PRPSAP1: variants seen among roughly 807,000 people sequenced by gnomAD.
PRPSAP1 encodes phosphoribosyl pyrophosphate synthase-associated protein 1.
A neutral mutation model predicts 39.4 loss-of-function variants in PRPSAP1; 31 were observed. The ratio of observed to expected loss-of-function variants is 0.79; its 90% CI spans 0.59 to 1.06. The LOEUF is 1.06. Among genes scored for constraint, PRPSAP1 ranks in the 50% least tolerant of loss-of-function variants. The probability of loss-of-function intolerance (pLI) is 0.00; values close to 1 mark genes in which losing one functional copy is unlikely to be tolerated. For synonymous variants in PRPSAP1, 212 were observed against 192.6 expected (o/e 1.10, Z -0.83); for missense variants, 430 against 511.6 (o/e 0.84, Z 1.54).
chr17:76,340,770 G>A (rs762507808), intron 3 of PRPSAP1, among the ~76,000 whole-genome samples: 16 of 152,006 alleles, frequency 1.1e-4, no homozygotes, highest in Middle Eastern at 3.4e-3. Context: ...CATGCCTGTA[G>A]TCCCAGCTAC....
chr17:76,325,797 G>A (rs1326939363), intron 7 of PRPSAP1, among the ~76,000 whole-genome samples: 4 of 151,700 alleles, frequency 2.6e-5, no homozygotes, highest in Admixed American at 1.3e-4. Context: ...TAGTAGAGAC[G>A]CGATTTCACA....
At chr17:76,346,278 G>A (rs1289307046) in intron 2 of PRPSAP1, among the ~76,000 whole-genome samples, 2 of 152,140 alleles carry the variant, frequency 1.3e-5, no homozygotes, top group African/African-American at 4.8e-5. Context: ...GAATGTCTCC[G>A]AAGCTGGATT....
chr17:76,312,745 C>G, intron 9 of PRPSAP1, 125 bp downstream of exon 9: 2 of 1,288,910 alleles, frequency 1.6e-6, no homozygotes, highest in East Asian at 2.4e-5. Flanking sequence ...TCCCAACGAA[C>G]TGCTAGCCAG....
rs1328471267 is a variant in PRPSAP1, at chr17:76,320,357, A to AAGATAGAC, written c.782-6467_782-6466insGTCTATCT. Among the ~76,000 whole-genome samples, 149 of 131,204 alleles carry AAGATAGAC rather than the reference A, an allele frequency of 1.1e-3. 1 individual carries two copies. The highest frequency in any genetic ancestry group is 4.6e-3 in the African/African-American group (145 of 31,744). The allele number at this position is 131,204 out of a possible 152,430, so 86.1% of individuals were successfully genotyped here. On this transcript the variant is annotated intron_variant, in intron 7 of 9. Coordinates refer to ENST00000446526, the MANE Select transcript of PRPSAP1 (RefSeq NM_002766.3). ...GGAGGGAGGGAGGAAGGAAGGAAGA[A>AAGATAGAC]AAAGGAAGAAAGGCAGGCATACTTC...
chr17:76,350,806 G>A (rs2071560270), intron 1 of PRPSAP1, among the ~76,000 whole-genome samples: 2 of 152,210 alleles, frequency 1.3e-5, no homozygotes, highest in African/African-American at 4.8e-5. Flanking sequence ...GCCAAGGTAG[G>A]TGGATCACCT....
At chr17:76,351,557 G>A (rs2071572844) in intron 1 of PRPSAP1, among the ~76,000 whole-genome samples, 1 of 151,906 alleles carries the variant, frequency 6.6e-6, no homozygotes, top group Non-Finnish European at 1.5e-5. Flanking sequence ...TGTGGTGTCG[G>A]GCATCTGTGA....
chr17:76,338,054 C>A (rs930764890), intron 3 of PRPSAP1, among the ~76,000 whole-genome samples: 6 of 152,118 alleles, frequency 3.9e-5, no homozygotes, highest in Non-Finnish European at 5.9e-5. Flanking sequence ...CTCTGAGTAT[C>A]GCACAGTTCA....
intron 7 of PRPSAP1, among the ~76,000 whole-genome samples, chr17:76,320,342 A>AG (rs2071180650): frequency 1.6e-5 from 2 of 121,354 alleles, no homozygotes; most frequent in South Asian, 2.5e-4. Context: ...GGAGGGAGGG[A>AG]GGAAGGAAGG....
chr17:76,343,835 A>G (rs1201360656), intron 3 of PRPSAP1, among the ~76,000 whole-genome samples: 2 of 152,168 alleles, frequency 1.3e-5, no homozygotes, highest in African/African-American at 4.8e-5. Context: ...ACTGTCCCCA[A>G]AAAAAGCCTG....
In PRPSAP1 at chr17:76,314,230, A is replaced by AC. The variant is rs1255505494; in HGVS notation, c.782-340_782-339insG. 1.8e-5 allele frequency: 5 copies of AC among 273,082 alleles called. No individual in the cohort carries two copies. The Admixed American group carries it at 2.4e-4, about 13-fold the overall frequency. The allele number at this position is 273,082 out of a possible 1,614,324, so 16.9% of individuals were successfully genotyped here. ...TATGTATGTATGTATGTATGTATGT[A>AC]TTTTTTGAGACGGAGTTTTGCTCTT... On this transcript the variant is annotated intron_variant, in intron 7 of 9. Transcript: ENST00000446526.
intron 4 of PRPSAP1, among the ~76,000 whole-genome samples, chr17:76,331,860 G>C (rs574466520): frequency 6.6e-6 from 1 of 152,228 alleles, no homozygotes; most frequent in South Asian, 2.1e-4. Flanking sequence ...GAAAGGCAAG[G>C]GTGGGGGAGA....
chr17:76,341,678 G>A (rs1390939511), intron 3 of PRPSAP1, among the ~76,000 whole-genome samples: 2 of 152,316 alleles, frequency 1.3e-5, no homozygotes, highest in East Asian at 1.9e-4. Context: ...CGTGGCTCAC[G>A]CCTATAATCC....
chr17:76,340,042 G>A (rs764086332), intron 3 of PRPSAP1, among the ~76,000 whole-genome samples: 5 of 150,930 alleles, frequency 3.3e-5, no homozygotes, highest in African/African-American at 2.5e-5. Context: ...AAGACGGTGG[G>A]TGCTGAGACA....
chr17:76,328,694 T>C, intron 7 of PRPSAP1, 23 bp downstream of exon 7: 1 of 1,598,292 alleles, frequency 6.3e-7, no homozygotes, highest in Non-Finnish European at 8.5e-7. Flanking sequence ...ACAAATAAAA[T>C]AAAAACACAG....
Position 76,327,239 on chromosome 17 carries a change from T to G in PRPSAP1, c.781+1478A>C, listed in dbSNP as rs372759522. 5.3e-5 allele frequency among the ~76,000 whole-genome samples: 8 copies of G among 152,174 alleles called. No homozygotes were observed. The East Asian group carries it at 9.7e-4, about 18-fold the overall frequency. On this transcript the variant is annotated intron_variant, in intron 7 of 9. Coordinates refer to ENST00000446526, the MANE Select transcript of PRPSAP1 (RefSeq NM_002766.3). Reference sequence around the variant, plus strand: ...GGTGTGTGCCTGAAGTCACAGCTACTTGGGAGGCTGAGACAGGAGAACTGC... The same window carrying G: ...GGTGTGTGCCTGAAGTCACAGCTACGTGGGAGGCTGAGACAGGAGAACTGC...
intron 3 of PRPSAP1, among the ~76,000 whole-genome samples, chr17:76,333,670 C>A (rs1161461903): frequency 2.0e-5 from 3 of 150,206 alleles, no homozygotes; most frequent in African/African-American, 2.4e-5. Context: ...ACAAAACAAA[C>A]AAAAAAAAAC....
intron 3 of PRPSAP1, among the ~76,000 whole-genome samples, chr17:76,334,338 A>T (rs936554492): frequency 2.0e-5 from 3 of 152,244 alleles, no homozygotes; most frequent in Admixed American, 2.0e-4. Context: ...CAAAGCAGAA[A>T]GCCTGCCATA....
In PRPSAP1 at chr17:76,344,675, G is replaced by T; in HGVS notation, c.286C>A (p.Pro96Thr). ...GQDIFIIQTI[P>T]RDVNTAVMEL... ...TAAAGTAGTCAGTCCTCTTACCTGG[G>T]TATTGTCTGTATAATGAAAATATCT... is the stretch of plus-strand genomic sequence containing the variant. The change falls in exon 3 of 10, where the codon CCC becomes ACC. Residue 96 changes from proline (P) to threonine (T), a missense_variant. Coordinates refer to ENST00000446526, the MANE Select transcript of PRPSAP1 (RefSeq NM_002766.3). 6.4e-7 allele frequency: 1 copy of T among 1,563,700 alleles called. No individual in the cohort carries two copies. Among genetic ancestry groups the T allele is most frequent in the South Asian group, 1.2e-5 (1 of 86,938 alleles).
intron 7 of PRPSAP1, among the ~76,000 whole-genome samples, chr17:76,322,288 C>T (rs1320256258): frequency 5.9e-5 from 9 of 152,030 alleles, no homozygotes; most frequent in South Asian, 2.1e-4. Flanking sequence ...CCCAGCTACT[C>T]GGGAAGCTGA....
Sources: gnomAD v4.1 joint callset for allele counts (sites outside exome capture counted in the v4.1 genomes callset) on GRCh38, gnomAD v4.1.1 for gene constraint, MANE v1.5 for transcripts, NCBI Gene and HGNC (gene_info 2026-07-23, HGNC 2026-07-21) for gene names.